TFEC: variants seen among roughly 807,000 people sequenced by gnomAD.
TFEC encodes the protein transcription factor EC.
TFEC carries 31 observed loss-of-function variants against 41.6 expected under a neutral mutation model. The ratio of observed to expected loss-of-function variants is 0.74; its 90% CI spans 0.56 to 1.01. The LOEUF (loss-of-function observed/expected upper bound fraction) is 1.01, where lower values mean the gene tolerates loss of function less well. Among genes scored for constraint, TFEC ranks in the 50% least tolerant of loss-of-function variants. TFEC has a pLI of 0.00. For synonymous variants in TFEC, 143 were observed against 140.6 expected, an observed-to-expected ratio of 1.02 and a Z score of -0.12; for missense variants, 402 against 404.1, an observed-to-expected ratio of 0.99 and a Z score of 0.04.
chr7:115,963,304 C>T (rs368483156), intron 3 of TFEC, among the ~76,000 whole-genome samples: 1 of 151,708 alleles, frequency 6.6e-6, no homozygotes, highest in South Asian at 2.1e-4. Context: ...ATTAGGATGG[C>T]TAATATCAAA....
intron 3 of TFEC, chr7:115,968,062 C>A: frequency 1.1e-6 from 1 of 932,518 alleles, no homozygotes. Flanking sequence ...ATATTTTATG[C>A]GTTTCAAAGC....
At chr7:115,967,838 T>G (rs1259900722) in intron 3 of TFEC, among the ~76,000 whole-genome samples, 3 of 151,866 alleles carry the variant, frequency 2.0e-5, no homozygotes, top group Admixed American at 1.3e-4. Context: ...TCATGCATAT[T>G]ATATACATAT....
chr7:116,126,720 C>T (rs1798216841), intron 1 of TFEC, among the ~76,000 whole-genome samples: 1 of 152,086 alleles, frequency 6.6e-6, no homozygotes, highest in African/African-American at 2.4e-5. Flanking sequence ...CTTTTACACT[C>T]CTTTGATCCA....
intron 3 of TFEC, among the ~76,000 whole-genome samples, chr7:116,094,401 C>T (rs763333068): frequency 1.3e-5 from 2 of 152,198 alleles, no homozygotes; most frequent in Admixed American, 6.5e-5. Flanking sequence ...TACATTTTGG[C>T]CAGGCGTGGT....
Position 116,030,614 on chromosome 7 carries a change from T to C in TFEC, c.-73+19A>G, listed in dbSNP as rs935946634. 4.1e-6 allele frequency: 4 copies of C among 985,286 alleles called. No homozygotes were observed. In the African/African-American group the frequency reaches 7.0e-5, roughly 17 times the overall value. 61.0% of individuals were successfully genotyped at this position (985,286 alleles called of 1,614,324 possible). A position where few individuals can be genotyped will look rare whatever the true frequency, so the allele number is the denominator to read the frequency against. On this transcript the variant is annotated intron_variant, in intron 1 of 7. Transcript: ENST00000265440. ...TTGTTTAAAGTACAGAAAATTAACC[T>C]GCCGGTTTAGTTACCTACCAGCAAT... is the stretch of plus-strand genomic sequence containing the variant.
At chr7:116,102,818 C>T (rs10500055) in intron 3 of TFEC, among the ~76,000 whole-genome samples, 6,683 of 152,202 alleles carry the variant, frequency 0.044, 207 homozygotes, top group Non-Finnish European at 0.063. Flanking sequence ...AGGATGGATA[C>T]TTGAATGTGT....
Position 115,939,368 on chromosome 7 carries a change from A to C in TFEC, c.*1183T>G, listed in dbSNP as rs1338261394. 1 of 152,096 alleles carries C rather than the reference A, an allele frequency of 6.6e-6. No homozygotes were observed. The highest frequency in any genetic ancestry group is 1.5e-5 in the Non-Finnish European group (1 of 67,988). 9.4% of individuals were successfully genotyped at this position (152,096 alleles called of 1,614,324 possible). On this transcript the variant is annotated 3_prime_UTR_variant, in exon 8 of 8. Transcript: ENST00000265440. ...CAAGAGATAAAAATCTAAATGAAGC[A>C]TCATAGTTATAAGTGCTTATAATAA... is the stretch of plus-strand genomic sequence containing the variant.
intron 3 of TFEC, among the ~76,000 whole-genome samples, chr7:116,072,367 A>G (rs1192287704): frequency 6.6e-6 from 1 of 151,662 alleles, no homozygotes; most frequent in African/African-American, 2.4e-5. Flanking sequence ...AACACACACA[A>G]GTACTCAGCT....
At chr7:116,081,856 G>A (rs764670994) in intron 3 of TFEC, among the ~76,000 whole-genome samples, 8 of 152,162 alleles carry the variant, frequency 5.3e-5, no homozygotes, top group East Asian at 1.9e-4. Context: ...AACTTCAAAT[G>A]ATACATCCCT....
At position 115,984,397 on chromosome 7, in the gene TFEC, T is replaced by G. The variant is rs1428171938; in HGVS notation, c.45A>C (p.Ser15=). ...HQIINPTLKW[S]QPAVPSGGPL... is the part of the protein sequence containing the mutation. ...GCCCACCACTTGGCACTGCAGGTTG[T>G]GACCATTTAAGAGTTGGATTGATGA... Residue 15 remains serine (S), a synonymous_variant, in exon 2 of 8, where the codon TCA becomes TCC. Transcript: ENST00000265440. The G allele has an allele frequency of 6.2e-7, 1 of 1,614,052 alleles. No homozygotes were observed. The highest frequency in any genetic ancestry group is 8.5e-7 in the Non-Finnish European group (1 of 1,180,004).
chr7:115,989,837 C>T (rs1332142495), intron 1 of TFEC, among the ~76,000 whole-genome samples: 1 of 152,222 alleles, frequency 6.6e-6, no homozygotes, highest in Non-Finnish European at 1.5e-5. Context: ...GAAATGTCTG[C>T]AGACTTAAAC....
At chr7:115,972,700 G>C (rs1019153659) in intron 3 of TFEC, among the ~76,000 whole-genome samples, 3 of 152,000 alleles carry the variant, frequency 2.0e-5, no homozygotes, top group African/African-American at 7.2e-5. Flanking sequence ...AATACACTTA[G>C]ACCAGTAGTA....
chr7:116,008,496 C>T (rs1794885045), intron 1 of TFEC, among the ~76,000 whole-genome samples: 1 of 152,114 alleles, frequency 6.6e-6, no homozygotes, highest in Non-Finnish European at 1.5e-5. Flanking sequence ...AACTAAAACT[C>T]TGAGCTTCAC....
At chr7:115,951,059 A>G (rs1277320663) in intron 5 of TFEC, 110 bp from the exon 6 acceptor site, 8 of 520,302 alleles carry the variant, frequency 1.5e-5, no homozygotes, top group Non-Finnish European at 2.2e-5. Context: ...AAAACTTTCC[A>G]TTTAGTCAAA....
chr7:116,072,367 A>C (rs1192287704), intron 3 of TFEC, among the ~76,000 whole-genome samples: 2 of 151,662 alleles, frequency 1.3e-5, no homozygotes, highest in African/African-American at 4.8e-5. Context: ...AACACACACA[A>C]GTACTCAGCT....
chr7:115,973,964 C>CAG, intron 3 of TFEC, among the ~76,000 whole-genome samples: 2 of 151,944 alleles, frequency 1.3e-5, no homozygotes, highest in South Asian at 4.2e-4. Flanking sequence ...CAGAGAGAGA[C>CAG]AGAGAGAGAG....
chr7:115,975,033 C>A (rs1449879863), intron 2 of TFEC, among the ~76,000 whole-genome samples: 1 of 151,616 alleles, frequency 6.6e-6, no homozygotes, highest in Non-Finnish European at 1.5e-5. Context: ...ATAATTTGTC[C>A]CAGATTATAT....
intron 3 of TFEC, among the ~76,000 whole-genome samples, chr7:116,073,452 C>CT (rs796434124): frequency 1.7e-3 from 248 of 143,786 alleles, no homozygotes; most frequent in Middle Eastern, 3.7e-3. Context: ...GAGTATTTTT[C>CT]TTTTTTTTTT....
intron 1 of TFEC, among the ~76,000 whole-genome samples, chr7:116,133,035 A>T (rs1798363480): frequency 6.6e-6 from 1 of 152,238 alleles, no homozygotes; most frequent in Non-Finnish European, 1.5e-5. Flanking sequence ...TTTAGAAAAT[A>T]AATTATTACA....
Sources: gnomAD v4.1 joint callset for allele counts (sites outside exome capture counted in the v4.1 genomes callset) on GRCh38, gnomAD v4.1.1 for gene constraint, MANE v1.5 for transcripts, NCBI Gene and HGNC (gene_info 2026-07-23, HGNC 2026-07-21) for gene names.